Variants in ENDOD1 observed in about 807,000 individuals in gnomAD.
The protein encoded by ENDOD1 is endonuclease domain containing 1.
Under a neutral mutation model 6.5 loss-of-function variants are expected in ENDOD1, and 9 were observed. The observed-to-expected ratio is 1.39, with a 90% CI of 0.84 to 2.43. ENDOD1 has a LOEUF of 2.43. Among genes scored for constraint, ENDOD1 ranks in the 30% most tolerant of loss-of-function variants. The probability of loss-of-function intolerance (pLI) is 0.00; values close to 1 mark genes in which losing one functional copy is unlikely to be tolerated. For synonymous variants in ENDOD1, 255 were observed against 255.2 expected, an observed-to-expected ratio of 1.00 and a Z score of 0.01; for missense variants, 648 against 635.5, an observed-to-expected ratio of 1.02 and a Z score of -0.21.
intron 1 of ENDOD1, among the ~76,000 whole-genome samples, chr11:95,096,757 A>G (rs1337853959): frequency 4.6e-5 from 7 of 152,224 alleles, no homozygotes; most frequent in African/African-American, 1.2e-4. Context: ...AGCATCTGCT[A>G]TGTGTGAGGC....
At position 95,130,713 on chromosome 11, in the gene ENDOD1, A is replaced by G. The variant is rs1048804252; in HGVS notation, c.*1134A>G. The G allele has an allele frequency of 6.6e-6, 1 of 152,208 alleles. No homozygotes were observed. Among genetic ancestry groups the G allele is most frequent in the African/African-American group, 2.4e-5 (1 of 41,458 alleles). The allele number at this position is 152,208 out of a possible 1,614,324, so 9.4% of individuals were successfully genotyped here. On this transcript the variant is annotated 3_prime_UTR_variant, in exon 2 of 2. Coordinates refer to ENST00000278505, the MANE Select transcript of ENDOD1 (RefSeq NM_015036.3). The stretch of plus-strand genomic sequence containing the variant: ...AAATATTTAAGAATAATTATATCTT[A>G]GGAAATTATTTTTACAGTGTGTTTG...
chr11:95,123,975 A>G (rs1859287348), intron 1 of ENDOD1, among the ~76,000 whole-genome samples: 1 of 152,146 alleles, frequency 6.6e-6, no homozygotes, highest in Admixed American at 6.5e-5. Context: ...TGGACCTCTC[A>G]TGATGATAAA....
intron 1 of ENDOD1, among the ~76,000 whole-genome samples, chr11:95,106,083 G>A (rs1427975482): frequency 6.6e-6 from 1 of 152,224 alleles, no homozygotes; most frequent in Non-Finnish European, 1.5e-5. Context: ...CCAGTCAGAA[G>A]CCAGAGGGCA....
In ENDOD1 at chr11:95,131,830, G is replaced by A. The variant is rs1351335153; in HGVS notation, c.*2251G>A. On this transcript the variant is annotated 3_prime_UTR_variant, in exon 2 of 2. Coordinates refer to ENST00000278505, the MANE Select transcript of ENDOD1 (RefSeq NM_015036.3). ...AAACGGCTTCTTGAGAACCATTGGG[G>A]AATGTCTTTCTTTTTCACATCCAAT... 3 of 152,212 alleles carry A rather than the reference G, an allele frequency of 2.0e-5. No homozygotes were observed. In the South Asian group the frequency reaches 6.2e-4, roughly 31 times the overall value. The allele number at this position is 152,212 out of a possible 1,614,324, so 9.4% of individuals were successfully genotyped here.
intron 1 of ENDOD1, among the ~76,000 whole-genome samples, chr11:95,107,633 T>A (rs1307961694): frequency 6.6e-6 from 1 of 151,706 alleles, no homozygotes; most frequent in Non-Finnish European, 1.5e-5. Flanking sequence ...GGTACTGCAG[T>A]CTGGAAAGGT....
chr11:95,116,601 C>T (rs61566049), intron 1 of ENDOD1, among the ~76,000 whole-genome samples: 2,369 of 152,212 alleles, frequency 0.016, 59 homozygotes, highest in African/African-American at 0.054. Context: ...CATTTTTCTA[C>T]TTTTTCGTTG....
At position 95,128,397 on chromosome 11, in the gene ENDOD1, C is replaced by A. The variant is rs1331118138; in HGVS notation, c.321C>A (p.Asn107Lys). 1.2e-6 allele frequency: 2 copies of A among 1,613,438 alleles called. No individual in the cohort carries two copies. Among genetic ancestry groups the A allele is most frequent in the Non-Finnish European group, 8.5e-7 (1 of 1,179,700 alleles). ...VEPQIDDPNS[N>K]LEEAINEAEA... ...TGCAGATCGATGACCCCAACAGCAACCTTGAGGAGGCGATTAATGAGGCAG... is the reference window on the plus strand; with the variant it reads ...TGCAGATCGATGACCCCAACAGCAAACTTGAGGAGGCGATTAATGAGGCAG... Residue 107 changes from asparagine to lysine, a missense_variant, in exon 2 of 2, where the codon AAC becomes AAA. Asn to Lys is a moderately conservative substitution (Grantham distance 94, BLOSUM62 0). Transcript: ENST00000278505.
intron 1 of ENDOD1, among the ~76,000 whole-genome samples, chr11:95,119,700 C>T (rs1009015708): frequency 6.6e-6 from 1 of 152,202 alleles, no homozygotes; most frequent in African/African-American, 2.4e-5. Context: ...ACATTGGGCT[C>T]CACAATCAGC....
intron 1 of ENDOD1, among the ~76,000 whole-genome samples, chr11:95,098,985 T>C (rs1046989942): frequency 6.6e-6 from 1 of 152,208 alleles, no homozygotes. Context: ...CAGGATTTTA[T>C]AGAGGGTGTG....
intron 1 of ENDOD1, among the ~76,000 whole-genome samples, chr11:95,112,885 A>G (rs1859164226): frequency 6.6e-6 from 1 of 152,264 alleles, no homozygotes; most frequent in South Asian, 2.1e-4. Flanking sequence ...ATAGATGGTG[A>G]CTTTATTGAT....
chr11:95,110,322 G>A (rs1555111779), intron 1 of ENDOD1, among the ~76,000 whole-genome samples: 2 of 152,140 alleles, frequency 1.3e-5, no homozygotes, highest in African/African-American at 4.8e-5. Context: ...TCATCCCCTT[G>A]CTCTGCCCAT....
At position 95,128,715 on chromosome 11, in the gene ENDOD1, G is replaced by A; in HGVS notation, c.639G>A (p.Val213=). Residue 213 remains valine, a synonymous_variant, in exon 2 of 2, where the codon GTG becomes GTA. Coordinates refer to ENST00000278505, the MANE Select transcript of ENDOD1 (RefSeq NM_015036.3). ...VPSDYRVKDK[V]AVPEFVWLAA... ...CAGACTACAGAGTTAAAGACAAAGT[G>A]GCAGTCCCTGAGTTTGTTTGGCTGG... 1.2e-6 allele frequency: 2 copies of A among 1,614,178 alleles called. No homozygotes were observed. The highest frequency in any genetic ancestry group is 1.7e-6 in the Non-Finnish European group (2 of 1,180,036).
intron 1 of ENDOD1, among the ~76,000 whole-genome samples, chr11:95,090,700 A>C (rs1318325331): frequency 1.3e-5 from 2 of 152,188 alleles, no homozygotes; most frequent in Non-Finnish European, 2.9e-5. Context: ...AGAGGAGATA[A>C]ACCCAGGGGG....
rs997194607 is a variant in ENDOD1, at chr11:95,117,738, G to T, written c.301-10639G>T. 2.6e-5 allele frequency among the ~76,000 whole-genome samples: 4 copies of T among 152,090 alleles called. 1 individual carries two copies. In the East Asian group the frequency reaches 7.7e-4, roughly 29 times the overall value. ...TCTGCCCATTTGTGTCTTTTGATTG[G>T]AGAGTTTAGTCCATTTACATTCAGT... is the stretch of plus-strand genomic sequence containing the variant. On this transcript the variant is annotated intron_variant, in intron 1 of 1. Coordinates refer to ENST00000278505, the MANE Select transcript of ENDOD1 (RefSeq NM_015036.3).
At chr11:95,093,457 C>T (rs557105703) in intron 1 of ENDOD1, among the ~76,000 whole-genome samples, 2 of 152,324 alleles carry the variant, frequency 1.3e-5, no homozygotes, top group South Asian at 2.1e-4. Context: ...GAATTCCCCA[C>T]CTGAACTGTA....
chr11:95,095,728 T>C (rs1555110245), intron 1 of ENDOD1, among the ~76,000 whole-genome samples: 1 of 152,240 alleles, frequency 6.6e-6, no homozygotes, highest in African/African-American at 2.4e-5. Flanking sequence ...TTATGACTTG[T>C]GTTTTATAGT....
At chr11:95,103,669 G>A (rs1285273021) in intron 1 of ENDOD1, among the ~76,000 whole-genome samples, 1 of 152,170 alleles carries the variant, frequency 6.6e-6, no homozygotes, top group Non-Finnish European at 1.5e-5. Context: ...TGTAGTGGGA[G>A]TCCCACCTCT....
intron 1 of ENDOD1, among the ~76,000 whole-genome samples, chr11:95,101,722 C>T (rs1403472358): frequency 2.6e-5 from 4 of 152,152 alleles, no homozygotes; most frequent in African/African-American, 9.7e-5. Context: ...TCCCAAGGTT[C>T]AGCATTTCTT....
At chr11:95,118,386 A>C (rs1859231096) in intron 1 of ENDOD1, among the ~76,000 whole-genome samples, 1 of 152,250 alleles carries the variant, frequency 6.6e-6, no homozygotes, top group African/African-American at 2.4e-5. Context: ...TGTCTGGGAA[A>C]GTGGTTATTT....
Sources: gnomAD v4.1 joint callset for allele counts (sites outside exome capture counted in the v4.1 genomes callset) on GRCh38, gnomAD v4.1.1 for gene constraint, MANE v1.5 for transcripts, NCBI Gene and HGNC (gene_info 2026-07-23, HGNC 2026-07-21) for gene names.